DYNLT2: variants seen among roughly 807,000 people sequenced by gnomAD.
DYNLT2 encodes dynein light chain Tctex-type protein 2.
Under a neutral mutation model 24.3 loss-of-function variants are expected in DYNLT2, and 24 were observed. The ratio of observed to expected loss-of-function variants is 0.99; its 90% CI spans 0.71 to 1.39. The LOEUF (loss-of-function observed/expected upper bound fraction) is 1.39. Among genes scored for constraint, DYNLT2 ranks in the 40% most tolerant of loss-of-function variants. The pLI is 0.00. For synonymous variants in DYNLT2, 85 were observed against 85.4 expected, an observed-to-expected ratio of 1.00 and a Z score of 0.03; for missense variants, 246 against 234.5, an observed-to-expected ratio of 1.05 and a Z score of -0.32.
At chr6:169,741,415 T>A (rs1789676072) in intron 3 of DYNLT2, among the ~76,000 whole-genome samples, 1 of 152,166 alleles carries the variant, frequency 6.6e-6, no homozygotes, top group African/African-American at 2.4e-5. Flanking sequence ...ATCTTGGACC[T>A]GCAGGCCCAG....
chr6:169,745,101 G>A (rs71574972), intron 1 of DYNLT2, among the ~76,000 whole-genome samples: 1 of 145,326 alleles, frequency 6.9e-6, no homozygotes, highest in African/African-American at 2.5e-5. Flanking sequence ...TTTTTTGTTT[G>A]TTTTTTTTTT....
intron 1 of DYNLT2, among the ~76,000 whole-genome samples, chr6:169,747,922 A>G (rs555342471): frequency 6.6e-6 from 1 of 152,328 alleles, no homozygotes; most frequent in African/African-American, 2.4e-5. Flanking sequence ...TAGAACAAAG[A>G]CATTTGGAAA....
chr6:169,747,926 T>G (rs1165842007), intron 1 of DYNLT2, among the ~76,000 whole-genome samples: 1 of 152,216 alleles, frequency 6.6e-6, no homozygotes, highest in African/African-American at 2.4e-5. Context: ...ACAAAGACAT[T>G]TGGAAACAGT....
chr6:169,728,480 C>T, the DYNLT2 span, among the ~76,000 whole-genome samples: 1 of 152,136 alleles, frequency 6.6e-6, no homozygotes, highest in Non-Finnish European at 1.5e-5. Flanking sequence ...AATTAGAAAG[C>T]ATACAGCCAG....
At position 169,751,108 on chromosome 6, in the gene DYNLT2, G is replaced by A. The variant is rs576736601; in HGVS notation, c.120+231C>T. The A allele has an allele frequency of 2.9e-5, 16 of 558,496 alleles. No individual in the cohort carries two copies. The South Asian group carries it at 3.9e-4, about 14-fold the overall frequency. The allele number at this position is 558,496 out of a possible 1,614,324, so 34.6% of individuals were successfully genotyped here. ...CACCCTTCCAATCGACTTATGTAGG[G>A]TTCTATGGCCCTAATTAAAAAACAA... On this transcript the variant is annotated intron_variant, in intron 1 of 3. Coordinates refer to ENST00000366774, the MANE Select transcript of DYNLT2 (RefSeq NM_174910.3).
intron 1 of DYNLT2, chr6:169,750,366 T>C (rs1326837322): frequency 6.6e-6 from 1 of 152,266 alleles, no homozygotes; most frequent in African/African-American, 2.4e-5. Flanking sequence ...CTCTTTTTCT[T>C]AGCTGTGTAA....
intron 1 of DYNLT2, 41 bp downstream of exon 1, chr6:169,751,298 G>A (rs751764175): frequency 1.3e-6 from 2 of 1,587,360 alleles, no homozygotes; most frequent in East Asian, 2.3e-5. Flanking sequence ...TTAAACGGTC[G>A]GACATAGCCG....
intron 1 of DYNLT2, among the ~76,000 whole-genome samples, chr6:169,748,968 C>T (rs1175723590): frequency 2.0e-5 from 3 of 152,122 alleles, no homozygotes; most frequent in Non-Finnish European, 2.9e-5. Flanking sequence ...AACTTTTTGG[C>T]ATCTAATAAT....
rs1789738260 is a variant in DYNLT2, at chr6:169,744,089, A to G, written c.306T>C (p.Thr102=). ...LKKFQAHSVE[T]KVQQILTESL... is the part of the protein sequence containing the mutation. ...CTACTGTTAGTATCTGCTGGACTTT[A>G]GTTTCTACTGAATGAGCTTGGAATT... The change falls in exon 2 of 4, where the codon ACT becomes ACC. Residue 102 remains threonine, a synonymous_variant. Transcript: ENST00000366774. The G allele has an allele frequency of 1.9e-6, 3 of 1,612,454 alleles. No individual in the cohort carries two copies. The highest frequency in any genetic ancestry group is 2.2e-5 in the South Asian group (2 of 91,058).
the DYNLT2 span, among the ~76,000 whole-genome samples, chr6:169,728,692 C>A: frequency 1.3e-5 from 2 of 151,742 alleles, no homozygotes; most frequent in African/African-American, 2.4e-5. Flanking sequence ...ATTTAGTATG[C>A]CATAATTTAA....
Position 169,743,096 on chromosome 6 carries a change from G to A in DYNLT2, c.470C>T (p.Thr157Ile), listed in dbSNP as rs764332755. The A allele has an allele frequency of 1.3e-6, 2 of 1,563,990 alleles. No homozygotes were observed. Among genetic ancestry groups the A allele is most frequent in the Non-Finnish European group, 1.7e-6 (2 of 1,148,734 alleles). Residue 157 changes from threonine to isoleucine, a missense_variant, in exon 3 of 4, where the codon ACT (threonine) becomes ATT (isoleucine). Coordinates refer to ENST00000366774, the MANE Select transcript of DYNLT2 (RefSeq NM_174910.3). ...GGTACTTACATTTATTGCTTGGCCAGTCTTTTGAATAAATAATACTTTTAT... is the reference window on the plus strand; with the variant it reads ...GGTACTTACATTTATTGCTTGGCCAATCTTTTGAATAAATAATACTTTTAT... ...FIIKVLFIQK[T>I]GQAINIASRW...
intron 1 of DYNLT2, among the ~76,000 whole-genome samples, chr6:169,749,099 A>G (rs1789881399): frequency 1.3e-5 from 2 of 150,164 alleles, no homozygotes; most frequent in Admixed American, 6.6e-5. Context: ...AGTGTTTAAG[A>G]TTTTTTTTTT....
At chr6:169,731,770 T>C in the DYNLT2 span, among the ~76,000 whole-genome samples, 2 of 152,262 alleles carry the variant, frequency 1.3e-5, no homozygotes, top group African/African-American at 4.8e-5. Context: ...CTTCAAAAAA[T>C]TAAAATCTAT....
At chr6:169,734,680 C>T in the DYNLT2 span, among the ~76,000 whole-genome samples, 44 of 152,112 alleles carry the variant, frequency 2.9e-4, no homozygotes, top group Admixed American at 3.9e-4. Context: ...CTGCTGGATT[C>T]GGTTGGCCAG....
chr6:169,730,285 T>C, the DYNLT2 span, among the ~76,000 whole-genome samples: 1 of 152,150 alleles, frequency 6.6e-6, no homozygotes, highest in Non-Finnish European at 1.5e-5. Flanking sequence ...GATTATATAA[T>C]CCAGTAGCTC....
chr6:169,751,562 C>T lies in DYNLT2; in HGVS notation c.-104G>A, dbSNP rs541336932. 13 of 1,609,374 alleles carry T rather than the reference C, an allele frequency of 8.1e-6. No individual in the cohort carries two copies. Among genetic ancestry groups the T allele is most frequent in the Admixed American group, 1.7e-5 (1 of 59,210 alleles). On this transcript the variant is annotated 5_prime_UTR_variant, in exon 1 of 4. Transcript: ENST00000366774. ...GGAAGTCTCCCACCTGCGCCTCGTA[C>T]GGTAGGAAGTGCCCGCCAGGGCTCC...
intron 1 of DYNLT2, among the ~76,000 whole-genome samples, chr6:169,747,250 G>T (rs746748410): frequency 4.6e-5 from 7 of 151,944 alleles, no homozygotes; most frequent in Non-Finnish European, 8.8e-5. Flanking sequence ...TAAGTCACTG[G>T]TTTCAAGCAA....
At chr6:169,751,086 C>A in intron 1 of DYNLT2, 4 of 426,472 alleles carry the variant, frequency 9.4e-6, no homozygotes, top group Non-Finnish European at 1.2e-5. Context: ...TTGTAACCAC[C>A]CTTCCAATCG....
At chr6:169,739,089 C>G (rs1442729361), downstream of DYNLT2, 1 of 151,928 alleles carries the variant, frequency 6.6e-6, no homozygotes, top group Non-Finnish European at 1.5e-5. Context: ...GTTTTCAGTT[C>G]TGGTTGTAAT....
Sources: gnomAD v4.1 joint callset for allele counts (sites outside exome capture counted in the v4.1 genomes callset) on GRCh38, gnomAD v4.1.1 for gene constraint, MANE v1.5 for transcripts, NCBI Gene and HGNC (gene_info 2026-07-23, HGNC 2026-07-21) for gene names.